ARHGAP29: variants seen among roughly 807,000 people sequenced by gnomAD.
ARHGAP29 encodes the protein Rho GTPase activating protein 29.
A neutral mutation model predicts 122.6 loss-of-function variants in ARHGAP29; 43 were observed. That is an observed-to-expected ratio of 0.35 (90% CI 0.27 to 0.45). The LOEUF (loss-of-function observed/expected upper bound fraction) is 0.45, where lower values mean the gene tolerates loss of function less well. ARHGAP29 is among the 20% of genes least tolerant of loss of function. ARHGAP29 has a pLI of 1.00. For synonymous variants in ARHGAP29, 506 were observed against 497.1 expected (o/e 1.02, Z -0.24); for missense variants, 1,303 against 1,477.2 (o/e 0.88, Z 1.93).
At chr1:94,211,353 G>C (rs1038471613) in intron 3 of ARHGAP29, among the ~76,000 whole-genome samples, 1 of 114,020 alleles carries the variant, frequency 8.8e-6, no homozygotes, top group Non-Finnish European at 1.9e-5. Flanking sequence ...CTAATAAACA[G>C]AGCTTTAAAA....
chr1:94,297,493 T>C, the ARHGAP29 span, among the ~76,000 whole-genome samples: 243 of 152,350 alleles, frequency 1.6e-3, 3 homozygotes, highest in African/African-American at 5.5e-3. Flanking sequence ...ATAACTCCTA[T>C]GAAGTCCTGA....
In ARHGAP29 at chr1:94,174,160, T is replaced by C; in HGVS notation, c.3495A>G (p.Thr1165=). The change falls in exon 23 of 23, where the codon ACA becomes ACG. Residue 1165 remains threonine, a synonymous_variant. Transcript: ENST00000260526. The part of the protein sequence containing the change: ...PRTLQPQHWT[T]FYKPHAPIIS... ...TGATGGGAGCATGTGGTTTATAAAATGTTGTCCAATGTTGAGGCTGCAGTG... is the reference window on the plus strand; with the variant it reads ...TGATGGGAGCATGTGGTTTATAAAACGTTGTCCAATGTTGAGGCTGCAGTG... The C allele has an allele frequency of 6.2e-7, 1 of 1,614,138 alleles. No homozygotes were observed. The highest frequency in any genetic ancestry group is 8.5e-7 in the Non-Finnish European group (1 of 1,180,010).
intron 2 of ARHGAP29, among the ~76,000 whole-genome samples, chr1:94,226,132 T>A (rs1652598316): frequency 6.6e-6 from 1 of 151,972 alleles, no homozygotes; most frequent in Non-Finnish European, 1.5e-5. Flanking sequence ...AAATCAATCT[T>A]GTTAACTCAG....
At position 94,205,747 on chromosome 1, in the gene ARHGAP29, T is replaced by C. The variant is rs576467987; in HGVS notation, c.511-64A>G. On this transcript the variant is annotated intron_variant, in intron 5 of 22. Coordinates refer to ENST00000260526, the MANE Select transcript of ARHGAP29 (RefSeq NM_004815.4). ...GAACACAAATCTTTGCTTCAGAATT[T>C]TTTTGCCCCAATTTGTTACTCTGAC... The C allele has an allele frequency of 1.5e-4, 229 of 1,501,036 alleles. No homozygotes were observed. The African/African-American group carries it at 3.0e-3, about 19-fold the overall frequency. 93.0% of individuals were successfully genotyped at this position (1,501,036 alleles called of 1,614,324 possible).
chr1:94,210,827 C>T (rs1651545957), intron 3 of ARHGAP29, among the ~76,000 whole-genome samples: 1 of 151,292 alleles, frequency 6.6e-6, no homozygotes, highest in Non-Finnish European at 1.5e-5. Flanking sequence ...CACTTGTGGC[C>T]AAGAGTTCAA....
chr1:94,262,098 A>G (rs1654580812), intron 1 of ARHGAP29, among the ~76,000 whole-genome samples: 1 of 152,326 alleles, frequency 6.6e-6, no homozygotes, highest in Admixed American at 6.5e-5. Flanking sequence ...AAAAAAGGCC[A>G]CACACCTACA....
At chr1:94,263,717 A>G (rs934180252) in intron 1 of ARHGAP29, among the ~76,000 whole-genome samples, 1 of 152,152 alleles carries the variant, frequency 6.6e-6, no homozygotes, top group African/African-American at 2.4e-5. Context: ...CTTTCAGTCA[A>G]TGTTTTCTCC....
intron 10 of ARHGAP29, 42 bp from the exon 11 acceptor site, chr1:94,202,774 C>G (rs777099695): frequency 1.3e-6 from 2 of 1,589,164 alleles, no homozygotes; most frequent in Non-Finnish European, 1.7e-6. Context: ...TGAAAGAAAT[C>G]CTACTGAACA....
the ARHGAP29 span, among the ~76,000 whole-genome samples, chr1:94,309,386 A>G: frequency 6.6e-6 from 1 of 152,170 alleles, no homozygotes; most frequent in Non-Finnish European, 1.5e-5. Context: ...GCTGCCTCCT[A>G]TCAAAATATT....
chr1:94,205,147 G>C lies in ARHGAP29; in HGVS notation c.611C>G (p.Ser204Cys), dbSNP rs532106482. ...LDNVLLKNTD[S>C]IELALSYAKT... ...AGCATATGACAAAGCCAGCTCGATA[G>C]AGTCAGTGTTCTTTAACAGCACGTT... Residue 204 changes from serine (S) to cysteine (C), a missense_variant, in exon 7 of 23, where the codon TCT (serine) becomes TGT (cysteine). Transcript: ENST00000260526. 4.4e-6 allele frequency: 7 copies of C among 1,608,700 alleles called. No individual in the cohort carries two copies. The African/African-American group carries it at 6.7e-5, about 15-fold the overall frequency.
At chr1:94,199,960 A>G (rs776339687) in intron 12 of ARHGAP29, among the ~76,000 whole-genome samples, 1 of 152,174 alleles carries the variant, frequency 6.6e-6, no homozygotes, top group Non-Finnish European at 1.5e-5. Context: ...ATGAACCTCA[A>G]CCTGTACCTT....
chr1:94,293,727 G>T, the ARHGAP29 span, among the ~76,000 whole-genome samples: 1 of 152,284 alleles, frequency 6.6e-6, no homozygotes, highest in African/African-American at 2.4e-5. Flanking sequence ...GGGGAGGTGT[G>T]CAGGAAAGGG....
intron 1 of ARHGAP29, among the ~76,000 whole-genome samples, chr1:94,268,168 C>G (rs1654846360): frequency 6.6e-6 from 1 of 152,034 alleles, no homozygotes; most frequent in Non-Finnish European, 1.5e-5. Flanking sequence ...CCTTGAAACT[C>G]TTAGTTTAAT....
chr1:94,276,216 C>T (rs1655181773), upstream of ARHGAP29, among the ~76,000 whole-genome samples: 1 of 151,884 alleles, frequency 6.6e-6, no homozygotes, highest in African/African-American at 2.4e-5. Flanking sequence ...TGAGATCACA[C>T]CTCTCCACTC....
At chr1:94,296,728 C>T in the ARHGAP29 span, among the ~76,000 whole-genome samples, 1 of 152,106 alleles carries the variant, frequency 6.6e-6, no homozygotes, top group African/African-American at 2.4e-5. Flanking sequence ...GAGAAGGATG[C>T]AAAGTTGCTC....
At position 94,173,423 on chromosome 1, in the gene ARHGAP29, C is replaced by A. The variant is rs1648877480; in HGVS notation, c.*446G>T. The A allele has an allele frequency of 6.4e-6, 1 of 155,410 alleles. No homozygotes were observed. Among genetic ancestry groups the A allele is most frequent in the South Asian group, 2.0e-4 (1 of 5,034 alleles). The allele number at this position is 155,410 out of a possible 1,614,324, so 9.6% of individuals were successfully genotyped here. A position where few individuals can be genotyped will look rare whatever the true frequency, so the allele number is the denominator to read the frequency against. On this transcript the variant is annotated 3_prime_UTR_variant, in exon 23 of 23. Coordinates refer to ENST00000260526, the MANE Select transcript of ARHGAP29 (RefSeq NM_004815.4). ...AATTGTGTGACAAAACATATGCATA[C>A]CAACAAAGATCTTTTTAGGCACTTG...
intron 8 of ARHGAP29, 48 bp downstream of exon 8, chr1:94,203,882 A>T (rs750569194): frequency 5.2e-6 from 8 of 1,527,734 alleles, no homozygotes; most frequent in Non-Finnish European, 6.3e-6. Flanking sequence ...TTGGGAGTTC[A>T]TGAGTAGTTT....
rs1283826614 is a variant in ARHGAP29 at position 94,190,069 on chromosome 1, G to T, written c.1296C>A (p.Leu432=). Residue 432 remains leucine, a synonymous_variant, in exon 13 of 23, where the codon CTC becomes CTA. Coordinates refer to ENST00000260526, the MANE Select transcript of ARHGAP29 (RefSeq NM_004815.4). ...DLTLKAVTVN[L]FHMQHLQAAS... is the part of the protein sequence containing the mutation. ...CAGCCTGCAGATGCTGCATGTGGAA[G>T]AGGTTAACTGTTACCTATGGACCCA... is the stretch of plus-strand genomic sequence containing the variant. The T allele has an allele frequency of 6.2e-7, 1 of 1,613,132 alleles. No homozygotes were observed. Among genetic ancestry groups the T allele is most frequent in the Non-Finnish European group, 8.5e-7 (1 of 1,179,430 alleles).
At chr1:94,176,329 T>C (rs932249402) in intron 22 of ARHGAP29, among the ~76,000 whole-genome samples, 3 of 152,222 alleles carry the variant, frequency 2.0e-5, no homozygotes, top group African/African-American at 4.8e-5. Context: ...ATCTTGTATG[T>C]AATAAACACT....
Sources: allele counts gnomAD v4.1 joint callset (sites outside exome capture counted in the v4.1 genomes callset), GRCh38; gene constraint gnomAD v4.1.1; transcripts MANE v1.5; gene names NCBI Gene and HGNC (gene_info 2026-07-23, HGNC 2026-07-21).